The following XPR1 variants were observed in gnomAD, a reference collection of about 807,000 sequenced individuals.
The protein encoded by XPR1 is solute carrier family 53 member 1.
XPR1 carries 28 observed loss-of-function variants against 87.5 expected under a neutral mutation model. That is an observed-to-expected ratio of 0.32 (90% CI 0.24 to 0.44). XPR1 has a LOEUF of 0.44. Ranked by LOEUF, XPR1 falls within the 20% of genes least tolerant of loss-of-function variation. XPR1 has a pLI of 1.00. For missense variants in XPR1, 559 were observed against 862.3 expected, an observed-to-expected ratio of 0.65 and a Z score of 4.41; for synonymous variants, 300 against 306.1, an observed-to-expected ratio of 0.98 and a Z score of 0.21.
chr1:180,687,177 C>G (rs1233829997), intron 2 of XPR1, among the ~76,000 whole-genome samples: 1 of 152,056 alleles, frequency 6.6e-6, no homozygotes, highest in African/African-American at 2.4e-5. Flanking sequence ...TCTTATTTTA[C>G]TATTCTGTTT....
At chr1:180,653,325 C>T (rs1655352842) in intron 1 of XPR1, among the ~76,000 whole-genome samples, 1 of 151,966 alleles carries the variant, frequency 6.6e-6, no homozygotes, top group African/African-American at 2.4e-5. Context: ...CTAGGGTCCA[C>T]CTGATATACA....
rs1038939629 is a variant in XPR1, at chr1:180,723,145, A to C, written c.121+40734A>C. ...CCCCGTTTCGGCTTTGTTTGATAGA[A>C]GTGTTCTAGGGAGTCAAACCCTGTA... On this transcript the variant is annotated intron_variant, in intron 2 of 14. Coordinates refer to ENST00000367590, the MANE Select transcript of XPR1 (RefSeq NM_004736.4). Among the ~76,000 whole-genome samples the C allele has an allele frequency of 5.9e-5, 9 of 152,190 alleles. No individual in the cohort carries two copies. The East Asian group carries it at 1.7e-3, about 29-fold the overall frequency.
chr1:180,759,376 A>C (rs187599568), intron 2 of XPR1, among the ~76,000 whole-genome samples: 52 of 152,352 alleles, frequency 3.4e-4, no homozygotes, highest in Non-Finnish European at 6.6e-4. Context: ...AGTAAGACTA[A>C]TAAAGAAGAA....
intron 2 of XPR1, among the ~76,000 whole-genome samples, chr1:180,708,225 C>G (rs948665106): frequency 1.3e-5 from 2 of 152,086 alleles, no homozygotes; most frequent in Non-Finnish European, 2.9e-5. Context: ...TGGTTTTTGC[C>G]TACTGTTTTT....
At position 180,889,674 on chromosome 1, in the gene XPR1, GATTA is replaced by G. The variant is rs1273416496; in HGVS notation, c.*5612_*5615del. ...ACAGAACTCTTAATCACGTTGTGAA[GATTA>G]ATTTCTTGCCATTTTCTGGATTAGC... On this transcript the variant is annotated 3_prime_UTR_variant, in exon 15 of 15. Transcript: ENST00000367590. 6.6e-6 allele frequency: 1 copy of G among 152,226 alleles called. No individual in the cohort carries two copies. The highest frequency in any genetic ancestry group is 1.5e-5 in the Non-Finnish European group (1 of 68,046). The allele number at this position is 152,226 out of a possible 1,614,324, so 9.4% of individuals were successfully genotyped here. A position where few individuals can be genotyped will look rare whatever the true frequency, so the allele number is the denominator to read the frequency against.
intron 1 of XPR1, among the ~76,000 whole-genome samples, chr1:180,649,845 G>A (rs1655238410): frequency 6.6e-6 from 1 of 152,192 alleles, no homozygotes; most frequent in African/African-American, 2.4e-5. Context: ...AGAGGTGGGA[G>A]TTGAGTGGAC....
chr1:180,764,778 A>AT, intron 2 of XPR1, among the ~76,000 whole-genome samples: 1 of 117,302 alleles, frequency 8.5e-6, no homozygotes. Context: ...CCTTATGGAT[A>AT]ATTTTTTTTC....
intron 1 of XPR1, among the ~76,000 whole-genome samples, chr1:180,642,727 C>G (rs1654997993): frequency 6.6e-6 from 1 of 152,040 alleles, no homozygotes; most frequent in African/African-American, 2.4e-5. Flanking sequence ...TAGAGGAGTT[C>G]TTAATTTGGG....
intron 13 of XPR1, 137 bp downstream of exon 13, chr1:180,874,079 TTAGAATTGGAAAA>T: frequency 9.1e-7 from 1 of 1,100,074 alleles, no homozygotes. Context: ...CTCCTCAGCC[TTAGAATTGGAAAA>T]CCATGTTGGC....
intron 2 of XPR1, among the ~76,000 whole-genome samples, chr1:180,779,258 A>G (rs965122526): frequency 1.3e-5 from 2 of 152,118 alleles, no homozygotes; most frequent in African/African-American, 4.8e-5. Context: ...TTTATAGTCT[A>G]TAATTCTTTG....
intron 2 of XPR1, among the ~76,000 whole-genome samples, chr1:180,758,291 A>C (rs138192482): frequency 1.4e-3 from 211 of 152,318 alleles, no homozygotes; most frequent in African/African-American, 4.3e-3. Context: ...GAGCTAAAAA[A>C]ATAGATCTTA....
intron 2 of XPR1, among the ~76,000 whole-genome samples, chr1:180,761,311 A>C (rs1009435002): frequency 1.3e-5 from 2 of 152,230 alleles, no homozygotes; most frequent in African/African-American, 2.4e-5. Flanking sequence ...AGCAAAAGAA[A>C]CTACCATCAG....
At chr1:180,652,511 G>A (rs1009995923) in intron 1 of XPR1, among the ~76,000 whole-genome samples, 1 of 152,220 alleles carries the variant, frequency 6.6e-6, no homozygotes, top group Non-Finnish European at 1.5e-5. Context: ...GCCCAGGAGT[G>A]TGTCCATGTG....
chr1:180,822,239 A>C (rs1340136140), intron 7 of XPR1, among the ~76,000 whole-genome samples: 1 of 152,186 alleles, frequency 6.6e-6, no homozygotes, highest in Non-Finnish European at 1.5e-5. Context: ...CTTTACCACT[A>C]TACCTTTGTT....
chr1:180,757,692 A>G (rs1359917665), intron 2 of XPR1, among the ~76,000 whole-genome samples: 7 of 151,280 alleles, frequency 4.6e-5, no homozygotes, highest in African/African-American at 1.7e-4. Flanking sequence ...AATTTTTACA[A>G]ATTTTTTTGT....
At chr1:180,726,089 C>T (rs1178783708) in intron 2 of XPR1, among the ~76,000 whole-genome samples, 5 of 152,112 alleles carry the variant, frequency 3.3e-5, no homozygotes, top group South Asian at 2.1e-4. Context: ...AGTGTAAACA[C>T]GCCAATCAGC....
chr1:180,709,538 G>T (rs1473562443), intron 2 of XPR1, among the ~76,000 whole-genome samples: 3 of 152,114 alleles, frequency 2.0e-5, no homozygotes, highest in Non-Finnish European at 2.9e-5. Context: ...AGTTTTATAT[G>T]TATTTAGACA....
chr1:180,865,479 C>A (rs577146530), intron 12 of XPR1, among the ~76,000 whole-genome samples: 3 of 151,380 alleles, frequency 2.0e-5, no homozygotes, highest in Non-Finnish European at 4.4e-5. Context: ...CGGCTCACTG[C>A]CAGCTCCACC....
At chr1:180,720,170 AGGT>A (rs1468459230) in intron 2 of XPR1, among the ~76,000 whole-genome samples, 2 of 152,114 alleles carry the variant, frequency 1.3e-5, no homozygotes, top group Non-Finnish European at 2.9e-5. Flanking sequence ...TTAAAAAAGA[AGGT>A]GGTAATAAAG....
Sources: gnomAD v4.1 joint callset for allele counts (sites outside exome capture counted in the v4.1 genomes callset) on GRCh38, gnomAD v4.1.1 for gene constraint, MANE v1.5 for transcripts, NCBI Gene and HGNC (gene_info 2026-07-23, HGNC 2026-07-21) for gene names.